FBXO22: variants seen among roughly 807,000 people sequenced by gnomAD.
The protein encoded by FBXO22 is F-box only protein 22.
Under a neutral mutation model 37.2 loss-of-function variants are expected in FBXO22, and 13 were observed. The ratio of observed to expected loss-of-function variants is 0.35; its 90% confidence interval spans 0.23 to 0.56. FBXO22 has a LOEUF of 0.56. Among genes scored for constraint, FBXO22 ranks in the 20% least tolerant of loss-of-function variants. FBXO22 has a pLI of 0.87. For synonymous variants in FBXO22, 189 were observed against 189.1 expected (o/e 1.00, Z 0.00); for missense variants, 446 against 509.9 (o/e 0.87, Z 1.21).
At chr15:75,905,236 C>T (rs539099164) in intron 2 of FBXO22, among the ~76,000 whole-genome samples, 1 of 152,214 alleles carries the variant, frequency 6.6e-6, no homozygotes, top group Non-Finnish European at 1.5e-5. Context: ...ACCGGGAAGA[C>T]AACTGGGTGT....
intron 6 of FBXO22, among the ~76,000 whole-genome samples, chr15:75,932,321 C>T (rs974067632): frequency 6.6e-6 from 1 of 152,132 alleles, no homozygotes; most frequent in African/African-American, 2.4e-5. Flanking sequence ...CAGAAGGCTT[C>T]GTTTAGTGGA....
In FBXO22 at chr15:75,938,871, C is replaced by T. The variant is rs370403322; in HGVS notation, c.*5769C>T. On this transcript the variant is annotated 3_prime_UTR_variant, in exon 7 of 7. Coordinates refer to ENST00000308275, the MANE Select transcript of FBXO22 (RefSeq NM_147188.3). ...AAACTTGTGGAAATTAAACAAAACA[C>T]TCAACCAATGGGTCAAAGAAGAAAT... The T allele has an allele frequency of 6.6e-6, 1 of 152,036 alleles. No individual in the cohort carries two copies. Among genetic ancestry groups the T allele is most frequent in the East Asian group, 1.9e-4 (1 of 5,196 alleles). The allele number at this position is 152,036 out of a possible 1,614,324, so 9.4% of individuals were successfully genotyped here. A position where few individuals can be genotyped will look rare whatever the true frequency, so the allele number is the denominator to read the frequency against.
intron 6 of FBXO22, among the ~76,000 whole-genome samples, 160 bp from the exon 7 acceptor site, chr15:75,932,525 G>T (rs999409626): frequency 1.7e-4 from 26 of 152,082 alleles, no homozygotes; most frequent in African/African-American, 6.3e-4. Flanking sequence ...TATTAATTTT[G>T]ATTTTTGACC....
intron 6 of FBXO22, 145 bp downstream of exon 6, chr15:75,930,194 A>AG (rs1190294382): frequency 3.4e-6 from 5 of 1,481,126 alleles, no homozygotes; most frequent in Middle Eastern, 2.4e-4. Context: ...ACATTGGCTA[A>AG]GGGGCTTACT....
rs760932198 is a variant in FBXO22 at position 75,914,172 on chromosome 15, C to G, written c.430C>G (p.Gln144Glu). Residue 144 changes from glutamine to glutamate, a missense_variant, in exon 4 of 7, where the codon CAA (glutamine) becomes GAA (glutamate). Physicochemically the swap from Gln to Glu is conservative, Grantham distance 29 (BLOSUM62 2). Coordinates refer to ENST00000308275, the MANE Select transcript of FBXO22 (RefSeq NM_147188.3). ...TGAGAAGCTATTCCCCAAACAATGCCAAGTCCTTGGGATTGTGACCCCAGG... is the reference window on the plus strand; with the variant it reads ...TGAGAAGCTATTCCCCAAACAATGCGAAGTCCTTGGGATTGTGACCCCAGG... Reference protein sequence around the residue: ...ALEKLFPKQCQVLGIVTPGIV... With the variant: ...ALEKLFPKQCEVLGIVTPGIV... The G allele has an allele frequency of 6.2e-7, 1 of 1,613,550 alleles. No homozygotes were observed. Among genetic ancestry groups the G allele is most frequent in the African/African-American group, 1.3e-5 (1 of 74,908 alleles).
In FBXO22 at chr15:75,934,686, A is replaced by AATATTT. The variant is rs1358452176; in HGVS notation, c.*1592_*1597dup. The AATATTT allele has an allele frequency of 1.3e-5, 2 of 152,212 alleles. No individual in the cohort carries two copies. Among genetic ancestry groups the AATATTT allele is most frequent in the East Asian group, 3.8e-4 (2 of 5,202 alleles). The allele number at this position is 152,212 out of a possible 1,614,324, so 9.4% of individuals were successfully genotyped here. ...AATTTGTCAAAACTTTTCATCTATGAATATTTATATTTAGCTCTTGCTATT... is the reference window on the plus strand; with the variant it reads ...AATTTGTCAAAACTTTTCATCTATGAATATTTATATTTATATTTAGCTCTTGCTATT... On this transcript the variant is annotated 3_prime_UTR_variant, in exon 7 of 7. Coordinates refer to ENST00000308275, the MANE Select transcript of FBXO22 (RefSeq NM_147188.3).
chr15:75,905,890 CAATT>C (rs762254036), intron 2 of FBXO22, among the ~76,000 whole-genome samples: 26 of 152,312 alleles, frequency 1.7e-4, no homozygotes, highest in Non-Finnish European at 2.1e-4. Flanking sequence ...TTTGATTACT[CAATT>C]AAGGCGATGC....
intron 5 of FBXO22, among the ~76,000 whole-genome samples, chr15:75,925,065 T>C (rs1900409417): frequency 6.6e-6 from 1 of 152,152 alleles, no homozygotes; most frequent in South Asian, 2.1e-4. Context: ...TTGCCTTTGC[T>C]CTTTGAAGGA....
At position 75,929,992 on chromosome 15, in the gene FBXO22, T is replaced by C. The variant is rs758594294; in HGVS notation, c.737T>C (p.Met246Thr). 1.1e-5 allele frequency: 17 copies of C among 1,614,016 alleles called. No individual in the cohort carries two copies. Among genetic ancestry groups the C allele is most frequent in the South Asian group, 3.3e-5 (3 of 91,080 alleles). ...LQQVVSTFSD[M>T]NIILAGGQVD... ...CAAGTAGTCAGCACTTTCAGTGATA[T>C]GAATATCATCTTGGCTGGAGGCCAG... Residue 246 changes from methionine to threonine, a missense_variant, in exon 6 of 7, where the codon ATG (methionine) becomes ACG (threonine). Physicochemically the swap from Met to Thr is moderately conservative, Grantham distance 81 (BLOSUM62 -1). Around this residue, in one of 2 missense-constraint regions of FBXO22, gnomAD observed 315 missense variants for 410.1 expected, o/e 0.77. Transcript: ENST00000308275.
At chr15:75,917,185 GT>G in intron 4 of FBXO22, 44 bp from the exon 5 acceptor site, 1 of 1,477,324 alleles carries the variant, frequency 6.8e-7, no homozygotes, top group Non-Finnish European at 9.3e-7. Flanking sequence ...TAGTTATCTA[GT>G]TTTTACTGAC....
chr15:75,920,135 A>C (rs1327870194), intron 5 of FBXO22, among the ~76,000 whole-genome samples: 1 of 152,232 alleles, frequency 6.6e-6, no homozygotes. Flanking sequence ...TTTAGGAGCA[A>C]ATGTGGCTAT....
At chr15:75,926,040 G>A (rs1434470419) in intron 5 of FBXO22, among the ~76,000 whole-genome samples, 2 of 152,140 alleles carry the variant, frequency 1.3e-5, no homozygotes, top group Admixed American at 6.5e-5. Flanking sequence ...GTTACATTTT[G>A]TAACCAGCTT....
At chr15:75,929,747 A>G in intron 5 of FBXO22, 137 bp from the exon 6 acceptor site, 1 of 867,498 alleles carries the variant, frequency 1.2e-6, no homozygotes, top group Admixed American at 2.9e-5. Context: ...AAAATAAAAA[A>G]TGGAAAATTT....
intron 4 of FBXO22, among the ~76,000 whole-genome samples, chr15:75,916,048 CTGT>C: frequency 4.5e-5 from 4 of 88,264 alleles, no homozygotes; most frequent in Non-Finnish European, 6.1e-5. Context: ...GAGTAAGACT[CTGT>C]CTCCAAAAAA....
chr15:75,940,188 A>G lies in FBXO22; in HGVS notation c.*7086A>G, dbSNP rs953436243. 2 of 152,078 alleles carry G rather than the reference A, an allele frequency of 1.3e-5. No individual in the cohort carries two copies. The highest frequency in any genetic ancestry group is 4.8e-5 in the African/African-American group (2 of 41,436). 9.4% of individuals were successfully genotyped at this position (152,078 alleles called of 1,614,324 possible). A position where few individuals can be genotyped will look rare whatever the true frequency, so the allele number is the denominator to read the frequency against. On this transcript the variant is annotated 3_prime_UTR_variant, in exon 7 of 7. Transcript: ENST00000308275. ...ACCCACAAAAGTCAGTTGCATTCCTATACACTAACAATGAACAACCTGAGA... is the reference window on the plus strand; with the variant it reads ...ACCCACAAAAGTCAGTTGCATTCCTGTACACTAACAATGAACAACCTGAGA...
intron 5 of FBXO22, among the ~76,000 whole-genome samples, chr15:75,921,016 A>T (rs1210447776): frequency 6.6e-6 from 1 of 152,154 alleles, no homozygotes; most frequent in African/African-American, 2.4e-5. Context: ...CATAGTACTT[A>T]CACAGACCTA....
intron 6 of FBXO22, among the ~76,000 whole-genome samples, chr15:75,931,429 G>A (rs913066791): frequency 2.0e-5 from 3 of 152,160 alleles, no homozygotes; most frequent in African/African-American, 7.2e-5. Flanking sequence ...AAAGGAAGAT[G>A]TATAATTCTT....
At position 75,914,118 on chromosome 15, in the gene FBXO22, AG is replaced by A; in HGVS notation, c.377del (p.Arg126LysfsTer24). On this transcript the variant is annotated frameshift_variant, in exon 4 of 7. Transcript: ENST00000308275. LOFTEE classifies it high-confidence loss of function. ...ECRGHKRARKRTSMETALALE... is the reference protein window; with the variant it reads ...ECRGHKRARKXTSMETALALE... The stretch of plus-strand genomic sequence containing the variant: ...CTACTGTATTTTTACAGCAAGGAAA[AG>A]AACTAGTATGGAAACAGCACTTGCC... The A allele has an allele frequency of 6.2e-7, 1 of 1,610,488 alleles. No individual in the cohort carries two copies. The highest frequency in any genetic ancestry group is 8.5e-7 in the Non-Finnish European group (1 of 1,178,186).
intron 5 of FBXO22, among the ~76,000 whole-genome samples, chr15:75,927,249 GA>G (rs1166783085): frequency 6.6e-6 from 1 of 152,192 alleles, no homozygotes; most frequent in Non-Finnish European, 1.5e-5. Flanking sequence ...TTGGCATAAG[GA>G]GTTTGGAGGT....
Sources: allele counts gnomAD v4.1 joint callset (sites outside exome capture counted in the v4.1 genomes callset), GRCh38; gene constraint gnomAD v4.1.1; regional missense constraint gnomAD v4.1.1; transcripts MANE v1.5; gene names NCBI Gene and HGNC (gene_info 2026-07-23, HGNC 2026-07-21).